POU6F2: variants seen among roughly 807,000 people sequenced by gnomAD.
The protein encoded by POU6F2 is POU domain, class 6, transcription factor 2.
Under a neutral mutation model 71.3 loss-of-function variants are expected in POU6F2, and 31 were observed. That is an observed-to-expected ratio of 0.43 (90% confidence interval 0.33 to 0.59). The LOEUF (loss-of-function observed/expected upper bound fraction) is 0.59. Among genes scored for constraint, POU6F2 ranks in the 20% least tolerant of loss-of-function variants. POU6F2 has a pLI of 0.04. For synonymous variants in POU6F2, 347 were observed against 355.7 expected (o/e 0.98, Z 0.27); for missense variants, 783 against 856.8 (o/e 0.91, Z 1.07).
intron 1 of POU6F2, among the ~76,000 whole-genome samples, chr7:39,041,340 T>G (rs1432882875): frequency 1.3e-5 from 2 of 151,994 alleles, no homozygotes. Flanking sequence ...GTGCAAGTCT[T>G]TCTGAAGTTC....
At chr7:39,353,820 G>C (rs973585049) in intron 5 of POU6F2, among the ~76,000 whole-genome samples, 1 of 152,140 alleles carries the variant, frequency 6.6e-6, no homozygotes, top group African/African-American at 2.4e-5. Context: ...TCTTTTACTC[G>C]GAAATTTATC....
chr7:39,376,988 C>T (rs557597596), intron 5 of POU6F2, among the ~76,000 whole-genome samples: 3 of 146,350 alleles, frequency 2.0e-5, no homozygotes, highest in East Asian at 2.0e-4. Flanking sequence ...TTACTTATGT[C>T]GATCATATAA....
At chr7:39,450,200 G>A (rs1412960558) in intron 7 of POU6F2, among the ~76,000 whole-genome samples, 1 of 152,170 alleles carries the variant, frequency 6.6e-6, no homozygotes, top group African/African-American at 2.4e-5. Context: ...CTGGCTCTTA[G>A]GTGCTAACAA....
intron 5 of POU6F2, among the ~76,000 whole-genome samples, chr7:39,388,482 A>C (rs1018684096): frequency 6.6e-6 from 1 of 152,042 alleles, no homozygotes; most frequent in African/African-American, 2.4e-5. Flanking sequence ...CTCCCAGCTG[A>C]TTTTTGTAAT....
intron 1 of POU6F2, among the ~76,000 whole-genome samples, chr7:39,002,741 T>C (rs1398515912): frequency 6.6e-6 from 1 of 152,272 alleles, no homozygotes; most frequent in African/African-American, 2.4e-5. Flanking sequence ...TTTGATCAGT[T>C]TCTTCAAGTG....
At chr7:39,431,502 G>A (rs1050985695) in intron 6 of POU6F2, among the ~76,000 whole-genome samples, 1 of 152,198 alleles carries the variant, frequency 6.6e-6, no homozygotes, top group Non-Finnish European at 1.5e-5. Context: ...GTAGAAAGCA[G>A]TATCACTTAC....
rs921485590 is a variant in POU6F2 at position 39,080,667 on chromosome 7, T to C, written c.106-5193T>C. Among the ~76,000 whole-genome samples, 5 of 152,202 alleles carry C rather than the reference T, an allele frequency of 3.3e-5. No individual in the cohort carries two copies. In the South Asian group the frequency reaches 1.0e-3, roughly 32 times the overall value. The stretch of plus-strand genomic sequence containing the variant: ...GATTTTTGAAGCCTGCCTGTGTTAT[T>C]TGCATTTTCCTCAAAGCTGTTCTGA... On this transcript the variant is annotated intron_variant, in intron 1 of 9. Transcript: ENST00000518318.
At chr7:39,353,740 C>A (rs1786193327) in intron 5 of POU6F2, among the ~76,000 whole-genome samples, 1 of 152,126 alleles carries the variant, frequency 6.6e-6, no homozygotes. Context: ...CGGCCCTCCC[C>A]AAAGGTGATG....
chr7:39,242,681 A>G (rs1783749784), intron 4 of POU6F2, among the ~76,000 whole-genome samples: 1 of 152,160 alleles, frequency 6.6e-6, no homozygotes, highest in South Asian at 2.1e-4. Context: ...TAGTATACCT[A>G]TAATTACATA....
chr7:39,245,234 A>G (rs1477974756), intron 4 of POU6F2, among the ~76,000 whole-genome samples: 1 of 152,232 alleles, frequency 6.6e-6, no homozygotes, highest in Non-Finnish European at 1.5e-5. Context: ...GTTGAAGATA[A>G]TAGCAAATTA....
chr7:38,996,921 C>A (rs1031801782), intron 1 of POU6F2, among the ~76,000 whole-genome samples: 1 of 152,204 alleles, frequency 6.6e-6, no homozygotes, highest in South Asian at 2.1e-4. Flanking sequence ...GTTGAAAAAT[C>A]TCTTTATCCA....
intron 4 of POU6F2, among the ~76,000 whole-genome samples, chr7:39,304,952 G>C (rs190694077): frequency 1.3e-5 from 2 of 152,200 alleles, no homozygotes; most frequent in African/African-American, 2.4e-5. Flanking sequence ...GTTAAGTAAG[G>C]TATGTTAGAA....
intron 2 of POU6F2, among the ~76,000 whole-genome samples, chr7:39,147,547 A>G (rs1348795839): frequency 1.3e-5 from 2 of 152,200 alleles, no homozygotes; most frequent in Non-Finnish European, 2.9e-5. Context: ...ACATACTTTG[A>G]AAGGGATGGA....
intron 2 of POU6F2, among the ~76,000 whole-genome samples, chr7:39,129,611 G>C (rs1792213442): frequency 6.9e-6 from 1 of 145,638 alleles, no homozygotes; most frequent in Non-Finnish European, 1.5e-5. Flanking sequence ...AGGTGGCTGA[G>C]AGACAATAGA....
chr7:39,372,823 G>C (rs927250523), intron 5 of POU6F2, among the ~76,000 whole-genome samples: 1 of 152,016 alleles, frequency 6.6e-6, no homozygotes, highest in African/African-American at 2.4e-5. Context: ...TAGCTTATGG[G>C]CCATACCAAA....
intron 1 of POU6F2, among the ~76,000 whole-genome samples, chr7:39,078,704 G>A (rs930759543): frequency 6.6e-6 from 1 of 152,146 alleles, no homozygotes; most frequent in African/African-American, 2.4e-5. Context: ...AATATTTCAG[G>A]CTTTGCAGGC....
intron 1 of POU6F2, among the ~76,000 whole-genome samples, chr7:39,018,410 C>T (rs562850237): frequency 1.3e-5 from 2 of 151,918 alleles, no homozygotes; most frequent in Non-Finnish European, 2.9e-5. Context: ...ATGACCTGAA[C>T]TTATTTGGTG....
intron 2 of POU6F2, among the ~76,000 whole-genome samples, chr7:39,185,335 C>T (rs1390812220): frequency 6.6e-6 from 1 of 152,132 alleles, no homozygotes; most frequent in Non-Finnish European, 1.5e-5. Context: ...TGTCCTCCCT[C>T]CCACCATAAC....
At chr7:38,994,566 A>T (rs1788687489) in intron 1 of POU6F2, among the ~76,000 whole-genome samples, 1 of 152,152 alleles carries the variant, frequency 6.6e-6, no homozygotes, top group Admixed American at 6.5e-5. Flanking sequence ...CATGCCCGTG[A>T]CAGGGTTGGT....
Sources: gnomAD v4.1 joint callset for allele counts (sites outside exome capture counted in the v4.1 genomes callset) on GRCh38, gnomAD v4.1.1 for gene constraint, MANE v1.5 for transcripts, NCBI Gene and HGNC (gene_info 2026-07-23, HGNC 2026-07-21) for gene names.